Variants in REPS2 observed in about 807,000 individuals in gnomAD.
REPS2 encodes the protein ralBP1-associated Eps domain-containing protein 2.
REPS2 carries 23 observed loss-of-function variants against 53.6 expected under a neutral mutation model. The ratio of observed to expected loss-of-function variants is 0.43; its 90% CI spans 0.31 to 0.61. The LOEUF is 0.61. Ranked by LOEUF, REPS2 falls within the 20% of genes least tolerant of loss-of-function variation. The pLI is 0.11. For synonymous variants in REPS2, 238 were observed against 218.6 expected, an observed-to-expected ratio of 1.09 and a Z score of -0.78; for missense variants, 446 against 534.9, an observed-to-expected ratio of 0.83 and a Z score of 1.64.
intron 13 of REPS2, among the ~76,000 whole-genome samples, chrX:17,079,241 T>C (rs1462266763): frequency 2.7e-5 from 3 of 111,865 alleles, no homozygotes; most frequent in Non-Finnish European, 5.6e-5. Flanking sequence ...TTAGTAAGCA[T>C]GTAAGGCCCA....
intron 14 of REPS2, among the ~76,000 whole-genome samples, chrX:17,115,232 T>C (rs1342124502): frequency 8.9e-6 from 1 of 112,202 alleles, no homozygotes; most frequent in African/African-American, 3.2e-5. Flanking sequence ...GGCAGGGTCA[T>C]AGGATAATAG....
At position 16,967,011 on chromosome X, in the gene REPS2, T is replaced by C. The variant is rs749482767; in HGVS notation, c.273+19877T>C. Among the ~76,000 whole-genome samples, 6 of 112,252 alleles carry C rather than the reference T, an allele frequency of 5.3e-5. No homozygotes were observed. The East Asian group carries it at 1.7e-3, about 31-fold the overall frequency. On this transcript the variant is annotated intron_variant, in intron 1 of 17. Transcript: ENST00000357277. ...TACTAGCATGTCACAGTGTTCTTCA[T>C]ATTGAAAGCATTCTTCTATCAGGAG...
At chrX:16,958,012 A>T (rs2060616832) in intron 1 of REPS2, among the ~76,000 whole-genome samples, 1 of 112,186 alleles carries the variant, frequency 8.9e-6, no homozygotes. Flanking sequence ...TTTGTTCACT[A>T]TCATCCCCAT....
At chrX:16,967,832 C>G (rs1313269321) in intron 1 of REPS2, among the ~76,000 whole-genome samples, 1 of 108,870 alleles carries the variant, frequency 9.2e-6, no homozygotes, top group Non-Finnish European at 1.9e-5. Flanking sequence ...CTTTGCATAC[C>G]CATATTGGTT....
chrX:17,133,929 T>G, intron 15 of REPS2, 22 bp downstream of exon 15: 1 of 1,148,976 alleles, frequency 8.7e-7, no homozygotes, highest in Non-Finnish European at 1.2e-6. Context: ...CTGAGGATGC[T>G]GTCAGATGGC....
Position 17,023,429 on chromosome X carries a change from A to C in REPS2, c.546+1158A>C, listed in dbSNP as rs1384419299. Among the ~76,000 whole-genome samples the C allele has an allele frequency of 4.4e-4, 3 of 6,789 alleles. No individual in the cohort carries two copies. In the African/African-American group the frequency reaches 6.8e-3, roughly 15 times the overall value. 5.9% of individuals were successfully genotyped at this position (6,789 alleles called of 115,157 possible). On this transcript the variant is annotated intron_variant, in intron 3 of 17. Transcript: ENST00000357277. ...GGCCACAGAGCAAGACTGTGTCTCA[A>C]AAAAAAAAAAAAAGGAACACTCGAA... is the stretch of plus-strand genomic sequence containing the variant.
intron 13 of REPS2, among the ~76,000 whole-genome samples, chrX:17,090,836 G>A (rs2062605983): frequency 9.0e-6 from 1 of 111,670 alleles, no homozygotes; most frequent in Non-Finnish European, 1.9e-5. Flanking sequence ...ATTTTTTCTT[G>A]TTGTAAAATT....
At chrX:17,116,874 G>C (rs1415001792) in intron 14 of REPS2, among the ~76,000 whole-genome samples, 2 of 111,728 alleles carry the variant, frequency 1.8e-5, no homozygotes, top group Non-Finnish European at 1.9e-5. Flanking sequence ...ATGCTTTTTG[G>C]AATTTTGTTT....
chrX:17,172,225 C>T, the REPS2 span, among the ~76,000 whole-genome samples: 1 of 111,859 alleles, frequency 8.9e-6, no homozygotes, highest in Non-Finnish European at 1.9e-5. Context: ...TTGTGGCAGA[C>T]AGGCTGATAT....
chrX:17,172,134 A>G, the REPS2 span, among the ~76,000 whole-genome samples: 1 of 111,995 alleles, frequency 8.9e-6, no homozygotes, highest in Non-Finnish European at 1.9e-5. Flanking sequence ...AGAAAATACA[A>G]TACTTGGGTA....
At chrX:17,105,460 T>A (rs2062861526) in intron 14 of REPS2, among the ~76,000 whole-genome samples, 1 of 112,287 alleles carries the variant, frequency 8.9e-6, no homozygotes, top group African/African-American at 3.2e-5. Context: ...TACTACCCGG[T>A]CCCAAAATAT....
intron 8 of REPS2, among the ~76,000 whole-genome samples, chrX:17,057,435 G>C (rs991030446): frequency 8.9e-6 from 1 of 112,852 alleles, no homozygotes; most frequent in African/African-American, 3.2e-5. Context: ...GTTGGGGGAA[G>C]AGTGACCCAT....
intron 16 of REPS2, chrX:17,135,617 G>A: frequency 2.6e-6 from 1 of 382,750 alleles, no homozygotes; most frequent in Non-Finnish European, 4.4e-6. Flanking sequence ...AGGGGCAGGC[G>A]AGTCCTAGGC....
At chrX:17,153,857 G>A (rs1356711823), downstream of REPS2, among the ~76,000 whole-genome samples, 1 of 111,242 alleles carries the variant, frequency 9.0e-6, no homozygotes, top group African/African-American at 3.3e-5. Context: ...CATAAGCTTG[G>A]ACACTGGAGA....
chrX:17,167,069 A>G, the REPS2 span, among the ~76,000 whole-genome samples: 1 of 111,615 alleles, frequency 9.0e-6, no homozygotes, highest in African/African-American at 3.3e-5. Context: ...TGGGGCTTCT[A>G]TTTCTCATGT....
chrX:17,083,026 T>C (rs746473269), intron 13 of REPS2, among the ~76,000 whole-genome samples: 87 of 109,743 alleles, frequency 7.9e-4, no homozygotes, highest in Non-Finnish European at 1.5e-3. Flanking sequence ...TTTATGACCA[T>C]CTGCTACCAC....
intron 4 of REPS2, among the ~76,000 whole-genome samples, chrX:17,027,232 A>G (rs1180862154): frequency 1.8e-5 from 2 of 111,594 alleles, no homozygotes; most frequent in Admixed American, 9.5e-5. Context: ...TAACGCAATC[A>G]CTGTTCTGAT....
At position 17,047,421 on chromosome X, in the gene REPS2, G is replaced by A. The variant is rs2061923276; in HGVS notation, c.846G>A (p.Gln282=). 4 of 1,210,977 alleles carry A rather than the reference G, an allele frequency of 3.3e-6. No homozygotes were observed. In the African/African-American group the frequency reaches 5.2e-5, roughly 16 times the overall value. ...PDEPWRITEE[Q]REYYVNQFRS... is the part of the protein sequence containing the mutation. ...AACCCTGGAGGATAACAGAAGAACAGCGCGAGTACTATGTCAATCAGTTCC... is the reference window on the plus strand; with the variant it reads ...AACCCTGGAGGATAACAGAAGAACAACGCGAGTACTATGTCAATCAGTTCC... The change falls in exon 6 of 18, where the codon CAG becomes CAA. Residue 282 remains glutamine, a synonymous_variant. Coordinates refer to ENST00000357277, the MANE Select transcript of REPS2 (RefSeq NM_004726.3).
At chrX:17,103,674 A>T (rs753264988) in intron 13 of REPS2, 44 bp from the exon 14 acceptor site, 1 of 1,159,643 alleles carries the variant, frequency 8.6e-7, no homozygotes, top group Non-Finnish European at 1.2e-6. Context: ...TTTGTTGTTT[A>T]TTTTTGGGGG....
Sources: allele counts gnomAD v4.1 joint callset (sites outside exome capture counted in the v4.1 genomes callset), GRCh38; gene constraint gnomAD v4.1.1; transcripts MANE v1.5; gene names NCBI Gene and HGNC (gene_info 2026-07-23, HGNC 2026-07-21).